LCOR: variants seen among roughly 807,000 people sequenced by gnomAD.
LCOR encodes ligand dependent nuclear receptor corepressor, also known as ligand-dependent corepressor.
Under a neutral mutation model 64.4 loss-of-function variants are expected in LCOR, and 14 were observed. That is an observed-to-expected ratio of 0.22 (90% confidence interval 0.14 to 0.34). The LOEUF (loss-of-function observed/expected upper bound fraction) is 0.34, where lower values mean the gene tolerates loss of function less well. Among genes scored for constraint, LCOR ranks in the 10% least tolerant of loss-of-function variants. LCOR has a pLI of 1.00. For missense variants in LCOR, 1,686 were observed against 1,765.3 expected, an observed-to-expected ratio of 0.96 and a Z score of 0.80; for synonymous variants, 643 against 642.5, an observed-to-expected ratio of 1.00 and a Z score of -0.01.
intron 2 of LCOR, among the ~76,000 whole-genome samples, chr10:96,888,188 A>T (rs1043310284): frequency 6.6e-6 from 1 of 150,530 alleles, no homozygotes; most frequent in African/African-American, 2.4e-5. Flanking sequence ...AACATGATGA[A>T]ACCCTGTCTC....
chr10:96,912,599 T>TCTTCCTTTCTTCCTTCCTTCCTTC (rs1846859247), intron 4 of LCOR, among the ~76,000 whole-genome samples: 1 of 110,752 alleles, frequency 9.0e-6, no homozygotes, highest in African/African-American at 4.5e-5. Context: ...GATCTTCCTT[T>TCTTCCTTTCTTCCTTCCTTCCTTC]CTTCCTTTCT....
At chr10:96,957,346 A>T in intron 7 of LCOR, 1 of 985,116 alleles carries the variant, frequency 1.0e-6, no homozygotes, top group Non-Finnish European at 1.2e-6. Flanking sequence ...AGAATATCTA[A>T]GCTTTTTCTG....
intron 2 of LCOR, among the ~76,000 whole-genome samples, chr10:96,905,348 C>A (rs978555407): frequency 6.6e-6 from 1 of 152,096 alleles, no homozygotes; most frequent in Non-Finnish European, 1.5e-5. Flanking sequence ...AGGATAAGAC[C>A]TACTTAATAA....
chr10:96,955,847 A>G (rs1330746832), intron 7 of LCOR: 1 of 1,614,222 alleles, frequency 6.2e-7, no homozygotes, highest in South Asian at 1.1e-5. Context: ...CGGAGGGGCC[A>G]GATGTTTCTG....
At chr10:96,952,266 C>T (rs533303101) in intron 7 of LCOR, 70 bp downstream of exon 7, 1 of 1,025,286 alleles carries the variant, frequency 9.8e-7, no homozygotes, top group Non-Finnish European at 1.5e-6. Flanking sequence ...TGCCAGTCTC[C>T]CTTTTACATT....
chr10:96,930,922 TTC>T, intron 4 of LCOR, among the ~76,000 whole-genome samples: 1 of 152,228 alleles, frequency 6.6e-6, no homozygotes, highest in Middle Eastern at 3.4e-3. Flanking sequence ...GAAAATAAGC[TTC>T]TGTTATTTAT....
chr10:96,952,136 C>A lies in LCOR; in HGVS notation c.272C>A (p.Pro91Gln). Reference sequence around the variant, plus strand: ...CTTGATCTGTCCACTAAGAAAAGTCCATGTGCTGGCAGCACTTCCCTGAGC... The same window carrying A: ...CTTGATCTGTCCACTAAGAAAAGTCAATGTGCTGGCAGCACTTCCCTGAGC... ...GVLDLSTKKS[P>Q]CAGSTSLSHS... The change falls in exon 7 of 8, where the codon CCA (proline) becomes CAA (glutamine). Residue 91 changes from proline (P) to glutamine (Q), a missense_variant. Transcript: ENST00000421806. The A allele has an allele frequency of 6.2e-7, 1 of 1,614,002 alleles. No individual in the cohort carries two copies. The highest frequency in any genetic ancestry group is 8.5e-7 in the Non-Finnish European group (1 of 1,179,918).
At chr10:96,909,566 T>C (rs776592853) in intron 4 of LCOR, among the ~76,000 whole-genome samples, 3 of 152,362 alleles carry the variant, frequency 2.0e-5, no homozygotes, top group South Asian at 2.1e-4. Flanking sequence ...CAGACCATGC[T>C]GTATGCTTCC....
At chr10:96,933,514 A>G (rs1458984355) in intron 4 of LCOR, among the ~76,000 whole-genome samples, 1 of 152,198 alleles carries the variant, frequency 6.6e-6, no homozygotes, top group Non-Finnish European at 1.5e-5. Flanking sequence ...ATTGGTTTCA[A>G]TTTACAGATG....
chr10:96,929,229 T>G (rs1847216717), intron 4 of LCOR, among the ~76,000 whole-genome samples: 1 of 152,260 alleles, frequency 6.6e-6, no homozygotes, highest in Non-Finnish European at 1.5e-5. Flanking sequence ...ATGAAAGTCC[T>G]TGCTGACATC....
At chr10:96,928,281 C>G (rs909760227) in intron 4 of LCOR, among the ~76,000 whole-genome samples, 1 of 152,206 alleles carries the variant, frequency 6.6e-6, no homozygotes, top group Non-Finnish European at 1.5e-5. Context: ...GCTGTATCAA[C>G]TAAGTTTGCT....
chr10:96,979,615 T>C (rs1046900067), intron 7 of LCOR, among the ~76,000 whole-genome samples: 5 of 151,634 alleles, frequency 3.3e-5, no homozygotes, highest in African/African-American at 1.2e-4. Context: ...ATGTAGCAAG[T>C]GGGCCTTGAA....
chr10:96,943,160 C>T (rs1465495720), intron 4 of LCOR, among the ~76,000 whole-genome samples: 2 of 152,130 alleles, frequency 1.3e-5, no homozygotes, highest in African/African-American at 4.8e-5. Context: ...AGTGCAGTGG[C>T]ATAATCTCAA....
At chr10:96,963,592 A>C (rs1180500154) in intron 7 of LCOR, 1 of 152,212 alleles carries the variant, frequency 6.6e-6, no homozygotes, top group African/African-American at 2.4e-5. Context: ...ATGTCAAAAA[A>C]ATTAGCAGAG....
At chr10:96,849,972 G>A (rs1314241846) in intron 2 of LCOR, among the ~76,000 whole-genome samples, 3 of 151,894 alleles carry the variant, frequency 2.0e-5, no homozygotes, top group Non-Finnish European at 4.4e-5. Flanking sequence ...AAGAAAAAGG[G>A]AAAGCATTAC....
intron 2 of LCOR, among the ~76,000 whole-genome samples, chr10:96,888,363 C>CCAAAAAAAAAAAAAAAA (rs1846380985): frequency 3.3e-5 from 1 of 30,544 alleles, no homozygotes; most frequent in African/African-American, 1.5e-4. Context: ...GACTCCGTCT[C>CCAAAAAAAAAAAAAAAA]AAAAAAAAAA....
chr10:96,832,421 C>G lies in LCOR; in HGVS notation c.-404+22C>G. The G allele has an allele frequency of 3.2e-6, 3 of 941,000 alleles. No homozygotes were observed. The African/African-American group carries it at 5.3e-5, about 17-fold the overall frequency. 58.3% of individuals were successfully genotyped at this position (941,000 alleles called of 1,614,324 possible). A position where few individuals can be genotyped will look rare whatever the true frequency, so the allele number is the denominator to read the frequency against. ...GTAGGTGAGACCCTCCGCCGACCGC[C>G]GCCGCCCCTCCGGCCGCCCCGCCGC... On this transcript the variant is annotated intron_variant, in intron 1 of 7. Coordinates refer to ENST00000421806, the MANE Select transcript of LCOR (RefSeq NM_001346516.2).
At chr10:96,929,481 T>G (rs1251839271) in intron 4 of LCOR, among the ~76,000 whole-genome samples, 1 of 152,218 alleles carries the variant, frequency 6.6e-6, no homozygotes, top group Non-Finnish European at 1.5e-5. Flanking sequence ...TTCATAGAAT[T>G]GAAGAGAGTT....
At chr10:96,835,569 G>C (rs7895214) in intron 2 of LCOR, among the ~76,000 whole-genome samples, 3 of 151,948 alleles carry the variant, frequency 2.0e-5, no homozygotes, top group African/African-American at 4.8e-5. Flanking sequence ...GTGATCCTTA[G>C]GCAATTCAAA....
Sources: allele counts gnomAD v4.1 joint callset (sites outside exome capture counted in the v4.1 genomes callset), GRCh38; gene constraint gnomAD v4.1.1; transcripts MANE v1.5; gene names NCBI Gene and HGNC (gene_info 2026-07-23, HGNC 2026-07-21).